PIK3C2A: variants seen among roughly 807,000 people sequenced by gnomAD.
PIK3C2A encodes phosphatidylinositol-4-phosphate 3-kinase catalytic subunit type 2 alpha, also known as phosphatidylinositol 4-phosphate 3-kinase C2 domain-containing subunit alpha.
In PIK3C2A, 97 loss-of-function variants were observed where a neutral mutation model predicts 204.5. That is an observed-to-expected ratio of 0.47 (90% confidence interval 0.40 to 0.56). PIK3C2A has a LOEUF of 0.56. Ranked by LOEUF, PIK3C2A falls within the 20% of genes least tolerant of loss-of-function variation. The pLI, the probability that PIK3C2A is intolerant of heterozygous loss-of-function variation, is 0.00. For missense variants in PIK3C2A, 1,735 were observed against 1,969.2 expected (o/e 0.88, Z 2.25); for synonymous variants, 653 against 664.4 (o/e 0.98, Z 0.26).
chr11:17,118,889 T>C, intron 17 of PIK3C2A, 150 bp from the exon 18 acceptor site: 2 of 550,236 alleles, frequency 3.6e-6, no homozygotes, highest in Middle Eastern at 4.8e-4. Flanking sequence ...AATTAACCTA[T>C]GCCAAACTAA....
At chr11:17,101,901 C>G (rs1174327997) in intron 24 of PIK3C2A, among the ~76,000 whole-genome samples, 2 of 151,856 alleles carry the variant, frequency 1.3e-5, no homozygotes, top group Non-Finnish European at 2.9e-5. Flanking sequence ...CTGCACCCGG[C>G]CTCTAAAATA....
intron 8 of PIK3C2A, among the ~76,000 whole-genome samples, chr11:17,140,309 C>T (rs1182452942): frequency 1.3e-5 from 2 of 152,124 alleles, no homozygotes; most frequent in South Asian, 2.1e-4. Context: ...TGATCTCCCC[C>T]TAAAATCCAT....
intron 2 of PIK3C2A, among the ~76,000 whole-genome samples, chr11:17,156,948 CAAGCAACACAGTG>C (rs895957095): frequency 7.2e-5 from 11 of 151,982 alleles, no homozygotes; most frequent in African/African-American, 2.7e-4. Context: ...GAGGCCAGCC[CAAGCAACACAGTG>C]AAGCCCCATC....
intron 1 of PIK3C2A, among the ~76,000 whole-genome samples, chr11:17,178,825 G>C (rs1221713309): frequency 6.7e-6 from 1 of 149,486 alleles, no homozygotes; most frequent in East Asian, 2.0e-4. Flanking sequence ...CGCTTCCCGG[G>C]TTCACGCCAT....
intron 3 of PIK3C2A, among the ~76,000 whole-genome samples, chr11:17,154,173 A>G (rs1223385114): frequency 6.6e-6 from 1 of 152,142 alleles, no homozygotes; most frequent in Non-Finnish European, 1.5e-5. Flanking sequence ...GGGAGAAAAA[A>G]GGTAGGTCTC....
Position 17,112,674 on chromosome 11 carries a change from T to C in PIK3C2A, c.3322-8A>G, listed in dbSNP as rs951297686. 7.1e-7 allele frequency: 1 copy of C among 1,404,910 alleles called. No individual in the cohort carries two copies. Among genetic ancestry groups the C allele is most frequent in the African/African-American group, 1.5e-5 (1 of 67,926 alleles). The allele number at this position is 1,404,910 out of a possible 1,614,324, so 87.0% of individuals were successfully genotyped here. On this transcript the variant is annotated splice_region_variant and splice_polypyrimidine_tract_variant and intron_variant, in intron 20 of 32. Coordinates refer to ENST00000691414, the MANE Select transcript of PIK3C2A (RefSeq NM_002645.4). ...ACTGAAGAAGGAACACGACTGCAAA[T>C]ACAACATGTTAAGCATTAGAAAGAT...
chr11:17,146,679 T>C (rs1850255235), intron 6 of PIK3C2A, among the ~76,000 whole-genome samples: 1 of 150,940 alleles, frequency 6.6e-6, no homozygotes, highest in Admixed American at 6.6e-5. Context: ...TAAGATCACA[T>C]CATTGCACTC....
intron 9 of PIK3C2A, among the ~76,000 whole-genome samples, chr11:17,135,395 C>T (rs961451580): frequency 3.9e-5 from 6 of 152,094 alleles, no homozygotes; most frequent in Non-Finnish European, 7.4e-5. Flanking sequence ...AGAAACACAA[C>T]AAAATCTGCT....
At chr11:17,193,370 A>G (rs1025034463) in intron 1 of PIK3C2A, 10 of 176,330 alleles carry the variant, frequency 5.7e-5, no homozygotes, top group Non-Finnish European at 9.7e-5. Flanking sequence ...TATCCCACTA[A>G]GTTTTATATT....
At chr11:17,119,334 C>G in intron 16 of PIK3C2A, 21 bp from the exon 17 acceptor site, 1 of 1,352,516 alleles carries the variant, frequency 7.4e-7, no homozygotes. Context: ...ACCATAAAAC[C>G]AAGATTGGAC....
intron 21 of PIK3C2A, 48 bp from the exon 22 acceptor site, chr11:17,110,609 T>G: frequency 6.4e-7 from 1 of 1,552,426 alleles, no homozygotes; most frequent in Non-Finnish European, 8.7e-7. Context: ...CCAAAAGACT[T>G]AACAGATTAC....
At position 17,094,286 on chromosome 11, in the gene PIK3C2A, T is replaced by A; in HGVS notation, c.4426A>T (p.Ile1476Phe). ...CCTGGTAACTTCCAAAGTGGAAAAA[T>A]AATACTGAGCTTATTGTGAAGTTCC... ...FQELHNKLSI[I>F]FPLWKLPGFP... Residue 1476 changes from isoleucine to phenylalanine, a missense_variant, in exon 28 of 33, where the codon ATT becomes TTT. Ile to Phe is a conservative substitution (Grantham distance 21). Transcript: ENST00000691414. 6.2e-7 allele frequency: 1 copy of A among 1,610,892 alleles called. No individual in the cohort carries two copies. The highest frequency in any genetic ancestry group is 1.7e-5 in the Admixed American group (1 of 59,912).
At chr11:17,200,504 T>TCTTTTGAAGCC (rs1852328636) in intron 1 of PIK3C2A, among the ~76,000 whole-genome samples, 1 of 152,178 alleles carries the variant, frequency 6.6e-6, no homozygotes, top group African/African-American at 2.4e-5. Flanking sequence ...CAAAAGGCTA[T>TCTTTTGAAGCC]ATACACTGTG....
intron 20 of PIK3C2A, 115 bp downstream of exon 20, chr11:17,114,246 C>T (rs1158938763): frequency 3.5e-6 from 2 of 578,416 alleles, no homozygotes; most frequent in Non-Finnish European, 6.3e-6. Flanking sequence ...ACCATCCATG[C>T]TTATAACCAA....
chr11:17,121,846 G>A (rs946127950), intron 15 of PIK3C2A, among the ~76,000 whole-genome samples: 6 of 151,566 alleles, frequency 4.0e-5, no homozygotes, highest in Admixed American at 2.0e-4. Context: ...AGTTCCTTAC[G>A]GTTAAAAAAA....
At chr11:17,206,305 C>T (rs560784570) in intron 1 of PIK3C2A, among the ~76,000 whole-genome samples, 24 of 152,236 alleles carry the variant, frequency 1.6e-4, no homozygotes, top group African/African-American at 4.8e-4. Context: ...TTTCTACCTA[C>T]GTAAAATCAC....
At chr11:17,114,080 AAAAT>A (rs371798912) in intron 20 of PIK3C2A, among the ~76,000 whole-genome samples, 164 of 143,378 alleles carry the variant, frequency 1.1e-3, no homozygotes, top group African/African-American at 3.8e-3. Context: ...TTTGTCTCAA[AAAAT>A]AAATAAATAA....
chr11:17,138,913 T>C (rs763880760), intron 8 of PIK3C2A, among the ~76,000 whole-genome samples: 9 of 146,444 alleles, frequency 6.1e-5, no homozygotes, highest in Non-Finnish European at 9.0e-5. Context: ...TAATTAATGA[T>C]TTTTTTTTTT....
chr11:17,194,292 C>A, intron 1 of PIK3C2A: 1 of 308,508 alleles, frequency 3.2e-6, no homozygotes, highest in Non-Finnish European at 6.2e-6. Context: ...CAGGCTCCTA[C>A]AAAGGCTTCA....
Sources: allele counts gnomAD v4.1 joint callset (sites outside exome capture counted in the v4.1 genomes callset), GRCh38; gene constraint gnomAD v4.1.1; transcripts MANE v1.5; gene names NCBI Gene and HGNC (gene_info 2026-07-23, HGNC 2026-07-21).